HERC1: variants seen among roughly 807,000 people sequenced by gnomAD.
The protein encoded by HERC1 is HECT and RLD domain containing E3 ubiquitin protein ligase family member 1.
A neutral mutation model predicts 554.3 loss-of-function variants in HERC1; 160 were observed. The ratio of observed to expected loss-of-function variants is 0.29; its 90% CI spans 0.25 to 0.33. The LOEUF (loss-of-function observed/expected upper bound fraction) is 0.33, where lower values mean the gene tolerates loss of function less well. Among genes scored for constraint, HERC1 ranks in the 10% least tolerant of loss-of-function variants. The pLI is 1.00. For missense variants in HERC1, 4,919 were observed against 5,918.5 expected (o/e 0.83, Z 5.54); for synonymous variants, 2,175 against 2,131.7 (o/e 1.02, Z -0.56).
chr15:63,640,625 C>T (rs556343157), intron 60 of HERC1, among the ~76,000 whole-genome samples, 180 bp from the exon 61 acceptor site: 2 of 152,252 alleles, frequency 1.3e-5, no homozygotes, highest in Admixed American at 6.5e-5. Flanking sequence ...TTTCTGTATA[C>T]CCTTCGCCCA....
intron 2 of HERC1, 120 bp from the exon 3 acceptor site, chr15:63,764,311 C>T (rs966995464): frequency 3.0e-6 from 2 of 658,932 alleles, no homozygotes; most frequent in African/African-American, 1.8e-5. Flanking sequence ...ATTATGTGCA[C>T]TGAAACCAAA....
chr15:63,678,339 A>G lies in HERC1; in HGVS notation c.6576T>C (p.Arg2192=), dbSNP rs777003957. The change falls in exon 37 of 78, where the codon CGT becomes CGC. Residue 2192 remains arginine (R), a synonymous_variant. Transcript: ENST00000443617. ...CTGGAAGTAAGTCTCGGGGTGTGCCACGCATCTGCATATCACAAATTTTCA... is the reference window on the plus strand; with the variant it reads ...CTGGAAGTAAGTCTCGGGGTGTGCCGCGCATCTGCATATCACAAATTTTCA... The part of the protein sequence containing the change: ...EKVKICDMQM[R]GTPRDLLPGD... 1 of 1,608,282 alleles carries G rather than the reference A, an allele frequency of 6.2e-7. No homozygotes were observed. Among genetic ancestry groups the G allele is most frequent in the Non-Finnish European group, 8.5e-7 (1 of 1,177,388 alleles).
rs186504006 is a variant in HERC1 at position 63,713,956 on chromosome 15, G to T, written c.4151-291C>A. 8.6e-5 allele frequency among the ~76,000 whole-genome samples: 13 copies of T among 152,030 alleles called. No individual in the cohort carries two copies. The East Asian group carries it at 2.5e-3, about 29-fold the overall frequency. ...ATGAATTGGATCAGTTATTTTCAAC[G>T]TACGGTCCCAGACCAGCAGTACCCA... On this transcript the variant is annotated intron_variant, in intron 22 of 77. Transcript: ENST00000443617.
intron 1 of HERC1, among the ~76,000 whole-genome samples, chr15:63,789,100 T>G (rs1189253242): frequency 2.4e-4 from 29 of 122,982 alleles, no homozygotes; most frequent in African/African-American, 9.6e-4. Context: ...TTTTTTTTTT[T>G]TTTTTTTTGA....
chr15:63,750,564 T>A (rs1269775604), intron 8 of HERC1, among the ~76,000 whole-genome samples: 1 of 152,182 alleles, frequency 6.6e-6, no homozygotes, highest in Non-Finnish European at 1.5e-5. Context: ...GCCATCAAAT[T>A]TGAGAATTTG....
chr15:63,713,369 C>T lies in HERC1; in HGVS notation c.4447G>A (p.Gly1483Ser), dbSNP rs2153126240. The T allele has an allele frequency of 6.2e-7, 1 of 1,613,768 alleles. No individual in the cohort carries two copies. The highest frequency in any genetic ancestry group is 1.7e-5 in the Admixed American group (1 of 60,018). The change falls in exon 23 of 78, where the codon GGT (glycine) becomes AGT (serine). Residue 1483 changes from glycine to serine, a missense_variant. Gly to Ser is a moderately conservative substitution (Grantham distance 56). Coordinates refer to ENST00000443617, the MANE Select transcript of HERC1 (RefSeq NM_003922.4). ...CAGTCCCACCTGGTCATAAGTCCAC[C>T]CCCTTCAGAGGCACTTGTTGAAGGT... Reference protein sequence around the residue: ...QQPSTSASEGGGLMTRSESLT... With the variant: ...QQPSTSASEGSGLMTRSESLT...
chr15:63,729,511 T>C lies in HERC1; in HGVS notation c.3007A>G (p.Asn1003Asp), dbSNP rs760004466. The C allele has an allele frequency of 1.9e-6, 3 of 1,613,734 alleles. No individual in the cohort carries two copies. Among genetic ancestry groups the C allele is most frequent in the South Asian group, 2.2e-5 (2 of 91,074 alleles). Reference protein sequence around the residue: ...QKQLLAFCHINNISENSSSVA... With the variant: ...QKQLLAFCHIDNISENSSSVA... ...TAATCGCATACCTCACTAATGTTAT[T>C]GATATGGCAAAATGCCAGCAGCTGT... Residue 1003 changes from asparagine to aspartate, a missense_variant, in exon 15 of 78, where the codon AAT becomes GAT. Asn to Asp is a conservative substitution (Grantham distance 23). Around this residue, in one of 11 missense-constraint regions of HERC1, gnomAD observed 1,121 missense variants for 1,244.0 expected, o/e 0.90. Transcript: ENST00000443617.
At chr15:63,823,232 C>T (rs776928714) in intron 1 of HERC1, among the ~76,000 whole-genome samples, 2 of 152,050 alleles carry the variant, frequency 1.3e-5, no homozygotes, top group Non-Finnish European at 2.9e-5. Context: ...TTAGCTCCCA[C>T]GTATAAGTGA....
chr15:63,806,165 G>T (rs1207801844), intron 1 of HERC1, among the ~76,000 whole-genome samples: 6 of 145,326 alleles, frequency 4.1e-5, no homozygotes, highest in Admixed American at 6.9e-5. Context: ...AACACAAGTG[G>T]TTTTTTTTTT....
chr15:63,623,972 T>C, intron 72 of HERC1, 82 bp from the exon 73 acceptor site: 26 of 1,483,308 alleles, frequency 1.8e-5, no homozygotes, highest in Non-Finnish European at 2.2e-5. Context: ...CATCAGTGAA[T>C]GAAAAAGCTA....
chr15:63,660,800 T>C (rs933780047), intron 46 of HERC1, among the ~76,000 whole-genome samples, 173 bp downstream of exon 46: 1 of 152,234 alleles, frequency 6.6e-6, no homozygotes, highest in African/African-American at 2.4e-5. Context: ...CTTTGACTTT[T>C]AAACCAGCGT....
intron 77 of HERC1, among the ~76,000 whole-genome samples, chr15:63,611,651 T>C (rs529650903): frequency 1.3e-5 from 2 of 152,344 alleles, no homozygotes; most frequent in African/African-American, 4.8e-5. Context: ...GGCAGTATGA[T>C]GATCCTTCTG....
intron 1 of HERC1, among the ~76,000 whole-genome samples, chr15:63,778,939 A>G (rs1567117852): frequency 6.6e-6 from 1 of 152,118 alleles, no homozygotes; most frequent in Admixed American, 6.5e-5. Context: ...ACAAAAAGAA[A>G]GAAAAAGAAG....
intron 4 of HERC1, among the ~76,000 whole-genome samples, chr15:63,757,797 C>T (rs2075479329): frequency 6.6e-6 from 1 of 152,154 alleles, no homozygotes; most frequent in Non-Finnish European, 1.5e-5. Context: ...GCAACCTCCG[C>T]CTCCCAGGTT....
intron 1 of HERC1, among the ~76,000 whole-genome samples, chr15:63,789,077 GGTTTTTT>G (rs1290247121): frequency 1.1e-5 from 1 of 91,490 alleles, no homozygotes; most frequent in Non-Finnish European, 2.2e-5. Flanking sequence ...AGGAATAAAA[GGTTTTTT>G]TTTTTTTTTT....
chr15:63,737,390 C>T (rs1165663480), intron 12 of HERC1, among the ~76,000 whole-genome samples: 1 of 124,212 alleles, frequency 8.1e-6, no homozygotes, highest in East Asian at 2.2e-4. Flanking sequence ...ATATATATAT[C>T]GTTTTTCCAG....
Position 63,749,543 on chromosome 15 carries a change from A to G in HERC1, c.2048-5T>C, listed in dbSNP as rs1286260998. The G allele has an allele frequency of 6.2e-7, 1 of 1,600,870 alleles. No homozygotes were observed. Among genetic ancestry groups the G allele is most frequent in the East Asian group, 2.2e-5 (1 of 44,686 alleles). ...CCCAGGCATAAACTTCATTATCTAA[A>G]AACAAAATATAAAGTATTATATAAA... is the stretch of plus-strand genomic sequence containing the variant. On this transcript the variant is annotated splice_polypyrimidine_tract_variant and splice_region_variant and intron_variant, in intron 9 of 77. Transcript: ENST00000443617. The surrounding 1 kb of genome is among the most constrained non-coding windows in gnomAD (Gnocchi z 4.1).
rs1193983176 is a variant in HERC1, at chr15:63,775,759, CG to C, written c.-26-111del. ...TGATTTCAAACTGGTGAAATGCAGC[CG>C]GGTGCGGTGGCTCACGCCTGTAATC... On this transcript the variant is annotated intron_variant, in intron 1 of 77. Transcript: ENST00000443617. The surrounding 1 kb of genome is among the most constrained non-coding windows in gnomAD (Gnocchi z 4.0). 1.9e-5 allele frequency: 15 copies of C among 791,382 alleles called. No homozygotes were observed. The East Asian group carries it at 3.8e-4, about 20-fold the overall frequency. 49.0% of individuals were successfully genotyped at this position (791,382 alleles called of 1,614,324 possible). A position where few individuals can be genotyped will look rare whatever the true frequency, so the allele number is the denominator to read the frequency against.
At chr15:63,650,097 A>G (rs1199403535) in intron 53 of HERC1, among the ~76,000 whole-genome samples, 172 bp from the exon 54 acceptor site, 4 of 152,166 alleles carry the variant, frequency 2.6e-5, no homozygotes. Context: ...AATACTATAT[A>G]TGATCATAAA....
Sources: allele counts gnomAD v4.1 joint callset (sites outside exome capture counted in the v4.1 genomes callset), GRCh38; gene constraint gnomAD v4.1.1; regional missense constraint gnomAD v4.1.1; non-coding constraint Gnocchi (gnomAD v3.1); transcripts MANE v1.5; gene names NCBI Gene and HGNC (gene_info 2026-07-23, HGNC 2026-07-21).